The following INPP4B variants were observed in gnomAD, a reference collection of about 807,000 sequenced individuals.
The protein encoded by INPP4B is inositol polyphosphate-4-phosphatase type II B.
A neutral mutation model predicts 122.5 loss-of-function variants in INPP4B; 55 were observed. The observed-to-expected ratio is 0.45, with a 90% CI of 0.36 to 0.56. The LOEUF (loss-of-function observed/expected upper bound fraction) is 0.56. Ranked by LOEUF, INPP4B falls within the 20% of genes least tolerant of loss-of-function variation. The pLI, the probability that INPP4B is intolerant of heterozygous loss-of-function variation, is 0.00. For synonymous variants in INPP4B, 403 were observed against 388.7 expected, an observed-to-expected ratio of 1.04 and a Z score of -0.43; for missense variants, 1,000 against 1,097.7, an observed-to-expected ratio of 0.91 and a Z score of 1.26.
At chr4:142,097,828 G>T (rs1254357573) in intron 23 of INPP4B, among the ~76,000 whole-genome samples, 1 of 152,070 alleles carries the variant, frequency 6.6e-6, no homozygotes, top group Non-Finnish European at 1.5e-5. Context: ...AGATCCAACA[G>T]CTTTCTGCTG....
chr4:142,041,345 C>T (rs186656097), intron 25 of INPP4B, among the ~76,000 whole-genome samples: 9 of 152,158 alleles, frequency 5.9e-5, no homozygotes, highest in South Asian at 2.1e-4. Flanking sequence ...TTGCCAGGTA[C>T]GGTGGCTTAT....
chr4:142,589,540 T>C (rs561446413), intron 2 of INPP4B, among the ~76,000 whole-genome samples: 1 of 152,006 alleles, frequency 6.6e-6, no homozygotes, highest in African/African-American at 2.4e-5. Context: ...TCAACATAAA[T>C]TTTCCTCAAG....
At chr4:142,203,790 T>C (rs2149473474) in intron 14 of INPP4B, among the ~76,000 whole-genome samples, 1 of 152,062 alleles carries the variant, frequency 6.6e-6, no homozygotes, top group Admixed American at 6.6e-5. Context: ...TCTCCAAATA[T>C]AGCAGGCTTA....
intron 2 of INPP4B, among the ~76,000 whole-genome samples, chr4:142,687,821 G>T (rs1759592077): frequency 6.6e-6 from 1 of 152,042 alleles, no homozygotes. Context: ...GCCTACCCGG[G>T]ATCCAAACTT....
At chr4:142,343,179 A>T (rs1350643647) in intron 7 of INPP4B, among the ~76,000 whole-genome samples, 1 of 152,140 alleles carries the variant, frequency 6.6e-6, no homozygotes, top group East Asian at 1.9e-4. Context: ...AAACATGCTA[A>T]TTAGAAGACA....
rs572048597 is a variant in INPP4B at position 142,835,480 on chromosome 4, A to T, written c.-254+10729T>A. Among the ~76,000 whole-genome samples, 35 of 152,324 alleles carry T rather than the reference A, an allele frequency of 2.3e-4. No individual in the cohort carries two copies. In the South Asian group the frequency reaches 6.8e-3, roughly 30 times the overall value. Reference sequence around the variant, plus strand: ...ATAAACAGCTTATACGTATGAAAAAAATTCTGGACTATTTTCATTTTAAAA... The same window carrying T: ...ATAAACAGCTTATACGTATGAAAAATATTCTGGACTATTTTCATTTTAAAA... On this transcript the variant is annotated intron_variant, in intron 1 of 25. Coordinates refer to ENST00000262992, the MANE Select transcript of INPP4B (RefSeq NM_001101669.3).
chr4:142,169,587 T>A (rs915191527), intron 16 of INPP4B, among the ~76,000 whole-genome samples: 4 of 151,822 alleles, frequency 2.6e-5, no homozygotes, highest in Non-Finnish European at 4.4e-5. Context: ...ATAGTTTTTA[T>A]TTTTCTTTGA....
At chr4:142,176,143 T>TTATTATTA (rs1828109374) in intron 15 of INPP4B, among the ~76,000 whole-genome samples, 1 of 147,354 alleles carries the variant, frequency 6.8e-6, no homozygotes, top group Admixed American at 6.8e-5. Flanking sequence ...ATTATTATTA[T>TTATTATTA]TATTATTATT....
At chr4:142,276,136 C>T (rs1425558174) in intron 9 of INPP4B, among the ~76,000 whole-genome samples, 1 of 151,810 alleles carries the variant, frequency 6.6e-6, no homozygotes, top group Non-Finnish European at 1.5e-5. Flanking sequence ...TGTGTCCCCT[C>T]CCAATAGCAA....
intron 21 of INPP4B, among the ~76,000 whole-genome samples, chr4:142,114,652 A>G (rs1449310281): frequency 6.6e-6 from 1 of 152,084 alleles, no homozygotes; most frequent in East Asian, 1.9e-4. Context: ...TTATTTACAT[A>G]TTCTGAATAT....
intron 25 of INPP4B, among the ~76,000 whole-genome samples, chr4:142,059,542 G>T (rs1759507898): frequency 6.6e-6 from 1 of 152,136 alleles, no homozygotes; most frequent in African/African-American, 2.4e-5. Context: ...GCAAAGCACT[G>T]TGCTTGGTAA....
intron 23 of INPP4B, among the ~76,000 whole-genome samples, chr4:142,102,237 G>T (rs1469389109): frequency 5.9e-5 from 9 of 151,840 alleles, no homozygotes; most frequent in African/African-American, 1.2e-4. Flanking sequence ...TAAGTTCAAA[G>T]GACACAGAAA....
intron 2 of INPP4B, among the ~76,000 whole-genome samples, chr4:142,612,147 G>A (rs1207125989): frequency 6.6e-6 from 1 of 152,154 alleles, no homozygotes; most frequent in Non-Finnish European, 1.5e-5. Context: ...AGAGGAAGGA[G>A]AGGAGTGTTT....
chr4:142,760,185 A>C (rs185971835), intron 1 of INPP4B, among the ~76,000 whole-genome samples: 320 of 152,294 alleles, frequency 2.1e-3, no homozygotes, highest in Middle Eastern at 0.014. Context: ...CATTAAGTAG[A>C]TAGTATCATG....
chr4:142,027,421 T>C lies in INPP4B; in HGVS notation c.*1361A>G, dbSNP rs780198328. 6.6e-6 allele frequency: 1 copy of C among 152,246 alleles called. No individual in the cohort carries two copies. The highest frequency in any genetic ancestry group is 1.5e-5 in the Non-Finnish European group (1 of 68,038). The allele number at this position is 152,246 out of a possible 1,614,324, so 9.4% of individuals were successfully genotyped here. A position where few individuals can be genotyped will look rare whatever the true frequency, so the allele number is the denominator to read the frequency against. ...TTTCAAGGGAGATTTATGCTTTGGA[T>C]AGCATGCTCTTCTAATGAGAAAGGA... On this transcript the variant is annotated 3_prime_UTR_variant, in exon 26 of 26. Transcript: ENST00000262992.
At chr4:142,257,730 A>G (rs1338859202) in intron 11 of INPP4B, among the ~76,000 whole-genome samples, 1 of 152,232 alleles carries the variant, frequency 6.6e-6, no homozygotes, top group Admixed American at 6.5e-5. Context: ...AGAACATTCT[A>G]TGCTCATGGG....
intron 14 of INPP4B, among the ~76,000 whole-genome samples, chr4:142,197,482 T>C (rs1056778074): frequency 1.4e-4 from 22 of 152,210 alleles, no homozygotes. Context: ...CTTGAAGATT[T>C]AATTCCTTAT....
chr4:142,111,963 T>C (rs1355721089), intron 22 of INPP4B, among the ~76,000 whole-genome samples: 2 of 151,832 alleles, frequency 1.3e-5, no homozygotes, highest in African/African-American at 4.8e-5. Context: ...AGGCTGATCT[T>C]GAACTCCTGA....
intron 7 of INPP4B, among the ~76,000 whole-genome samples, chr4:142,352,453 G>T (rs533263199): frequency 1.3e-5 from 2 of 151,610 alleles, no homozygotes; most frequent in South Asian, 2.1e-4. Flanking sequence ...TATTCTGTAT[G>T]ATGTGAAAAT....
Sources: allele counts gnomAD v4.1 joint callset (sites outside exome capture counted in the v4.1 genomes callset), GRCh38; gene constraint gnomAD v4.1.1; transcripts MANE v1.5; gene names NCBI Gene and HGNC (gene_info 2026-07-23, HGNC 2026-07-21).